The following MYOC variants were observed in gnomAD, a reference collection of about 807,000 sequenced individuals.
MYOC encodes the protein juvenile-onset open-angle glaucoma 1.
In MYOC, 29 loss-of-function variants were observed where a neutral mutation model predicts 28.2. The observed-to-expected ratio is 1.03, with a 90% CI of 0.77 to 1.40. The LOEUF (loss-of-function observed/expected upper bound fraction) is 1.40. Ranked by LOEUF, MYOC falls within the 40% of genes most tolerant of loss-of-function variation. The pLI, the probability that MYOC is intolerant of heterozygous loss-of-function variation, is 0.00. For missense variants in MYOC, 569 were observed against 620.6 expected, an observed-to-expected ratio of 0.92 and a Z score of 0.88; for synonymous variants, 240 against 245.6, an observed-to-expected ratio of 0.98 and a Z score of 0.21.
rs1652911815 is a variant in MYOC, at chr1:171,636,081, A to G, written c.1359T>C (p.Tyr453=). 2 of 1,614,230 alleles carry G rather than the reference A, an allele frequency of 1.2e-6. No individual in the cohort carries two copies. The highest frequency in any genetic ancestry group is 1.1e-5 in the South Asian group (1 of 91,078). The change falls in exon 3 of 3, where the codon TAT becomes TAC. Residue 453 remains tyrosine (Y), a synonymous_variant. Transcript: ENST00000037502. ...TCTTGCTGATACCTGTGCCTGTGTCATAAGCAAAGTTGACGGTAGCATCTG... is the reference window on the plus strand; with the variant it reads ...TCTTGCTGATACCTGTGCCTGTGTCGTAAGCAAAGTTGACGGTAGCATCTG... The part of the protein sequence containing the change: ...TSADATVNFA[Y]DTGTGISKTL...
intron 1 of MYOC, among the ~76,000 whole-genome samples, chr1:171,644,577 C>CTTTT (rs10545148): frequency 1.4e-5 from 2 of 140,232 alleles, no homozygotes; most frequent in Non-Finnish European, 3.1e-5. Flanking sequence ...TAAAAAACAG[C>CTTTT]TTTTTTTTTT....
At position 171,652,245 on chromosome 1, in the gene MYOC, T is replaced by C. The variant is rs1653372785; in HGVS notation, c.367A>G (p.Thr123Ala). The C allele has an allele frequency of 6.2e-7, 1 of 1,614,008 alleles. No individual in the cohort carries two copies. The highest frequency in any genetic ancestry group is 1.7e-5 in the Admixed American group (1 of 59,990). Reference sequence around the variant, plus strand: ...AGCTGGTCCCGCTCCCGCCTCAGGGTGCCCAGCTCCCTCTGCAGCCCCTCC... The same window carrying C: ...AGCTGGTCCCGCTCCCGCCTCAGGGCGCCCAGCTCCCTCTGCAGCCCCTCC... ...TQEGLQRELG[T>A]LRRERDQLET... Residue 123 changes from threonine to alanine, a missense_variant, in exon 1 of 3, where the codon ACC becomes GCC. Coordinates refer to ENST00000037502, the MANE Select transcript of MYOC (RefSeq NM_000261.2).
rs189705613 is a variant in MYOC at position 171,638,812 on chromosome 1, G to A, written c.605-90C>T. ...GAGGATGACATTTAAATAGGCTGCC[G>A]GCCAGGCGTGGTGGCTCATGCCTGT... On this transcript the variant is annotated intron_variant, in intron 1 of 2. Coordinates refer to ENST00000037502, the MANE Select transcript of MYOC (RefSeq NM_000261.2). 467 of 1,462,756 alleles carry A rather than the reference G, an allele frequency of 3.2e-4. 2 individuals carry two copies. The East Asian group carries it at 9.0e-3, about 28-fold the overall frequency. The allele number at this position is 1,462,756 out of a possible 1,614,324, so 90.6% of individuals were successfully genotyped here.
intron 1 of MYOC, among the ~76,000 whole-genome samples, chr1:171,648,019 A>G (rs1447272797): frequency 1.5e-5 from 2 of 137,648 alleles, no homozygotes; most frequent in African/African-American, 2.9e-5. Flanking sequence ...TCTGTACTGG[A>G]AAAAAAAAAA....
At chr1:171,642,914 C>CA (rs1253063002) in intron 1 of MYOC, among the ~76,000 whole-genome samples, 1 of 144,710 alleles carries the variant, frequency 6.9e-6, no homozygotes, top group East Asian at 2.1e-4. Context: ...AAGACACAAT[C>CA]AGTCCATGCC....
rs74315332 is a variant in MYOC, at chr1:171,636,000, G to T, written c.1440C>A (p.Asn480Lys). The T allele has an allele frequency of 1.2e-6, 2 of 1,614,192 alleles. No homozygotes were observed. Among genetic ancestry groups the T allele is most frequent in the Non-Finnish European group, 8.5e-7 (1 of 1,180,032 alleles). Residue 480 changes from asparagine (N) to lysine (K), a missense_variant, in exon 3 of 3, where the codon AAC (asparagine) becomes AAA (lysine). Coordinates refer to ENST00000037502, the MANE Select transcript of MYOC (RefSeq NM_000261.2). ...AGGCAAAGAGCTTCTTCTCCAGGGGGTTGTAGTCAATCATGCTGCTGTACT... is the reference window on the plus strand; with the variant it reads ...AGGCAAAGAGCTTCTTCTCCAGGGGTTTGTAGTCAATCATGCTGCTGTACT... ...RYKYSSMIDY[N>K]PLEKKLFAWD...
intron 1 of MYOC, among the ~76,000 whole-genome samples, chr1:171,650,678 T>C (rs1653332564): frequency 6.6e-6 from 1 of 152,160 alleles, no homozygotes; most frequent in South Asian, 2.1e-4. Flanking sequence ...TTTTAGGAAA[T>C]ATTTTCTCAT....
Position 171,652,085 on chromosome 1 carries a change from TC to T in MYOC, c.526del (p.Glu176ArgfsTer2), listed in dbSNP as rs779307074. The T allele has an allele frequency of 2.3e-5, 37 of 1,614,188 alleles. No individual in the cohort carries two copies. The highest frequency in any genetic ancestry group is 3.1e-5 in the Non-Finnish European group (36 of 1,180,028). The part of the protein sequence containing the change: ...LARRLESSSQ[E>X]VARLRRGQCP... ...CTGGCCCCTTCTCAGCCTTGCTACC[TC>T]CTGGCTGCTGCTTTCCAACCTCCTG... is the stretch of plus-strand genomic sequence containing the variant. On this transcript the variant is annotated frameshift_variant, in exon 1 of 3. Transcript: ENST00000037502. LOFTEE classifies it high-confidence loss of function.
chr1:171,637,680 T>C (rs10913370), intron 2 of MYOC, among the ~76,000 whole-genome samples: 7,785 of 151,592 alleles, frequency 0.051, 243 homozygotes, highest in East Asian at 0.14. Context: ...TGGTGTGATC[T>C]CGGCTCACTG....
At chr1:171,641,568 A>C (rs1334088920) in intron 1 of MYOC, among the ~76,000 whole-genome samples, 1 of 152,096 alleles carries the variant, frequency 6.6e-6, no homozygotes, top group Non-Finnish European at 1.5e-5. Flanking sequence ...TTGCATATGA[A>C]AGCTGTCCTC....
At chr1:171,649,932 G>C (rs1255668978) in intron 1 of MYOC, among the ~76,000 whole-genome samples, 1 of 152,128 alleles carries the variant, frequency 6.6e-6, no homozygotes, top group Non-Finnish European at 1.5e-5. Flanking sequence ...AAATCAGCCA[G>C]CGGTACCGGA....
chr1:171,646,986 A>C (rs1487469409), intron 1 of MYOC, among the ~76,000 whole-genome samples: 1 of 152,180 alleles, frequency 6.6e-6, no homozygotes, highest in African/African-American at 2.4e-5. Context: ...CATTGTAATA[A>C]TTTTCATAGA....
At chr1:171,646,250 A>G (rs186032920) in intron 1 of MYOC, among the ~76,000 whole-genome samples, 7 of 152,314 alleles carry the variant, frequency 4.6e-5, no homozygotes, top group Admixed American at 4.6e-4. Context: ...ACTTTGGGTA[A>G]ATGACTCCAC....
Position 171,636,358 on chromosome 1 carries a change from G to A in MYOC, c.1082C>T (p.Pro361Leu), listed in dbSNP as rs1198457923. Residue 361 changes from proline (P) to leucine (L), a missense_variant, in exon 3 of 3, where the codon CCT (proline) becomes CTT (leucine). By Grantham distance (98) the Pro-to-Leu change is moderately conservative. Coordinates refer to ENST00000037502, the MANE Select transcript of MYOC (RefSeq NM_000261.2). ...TETVKAEKEI[P>L]GAGYHGQFPY... is the part of the protein sequence containing the mutation. ...GAACTGTCCGTGGTAGCCAGCTCCA[G>A]GGATTTCCTTCTCAGCCTTCACTGT... 4 of 1,614,078 alleles carry A rather than the reference G, an allele frequency of 2.5e-6. No homozygotes were observed. Among genetic ancestry groups the A allele is most frequent in the Non-Finnish European group, 3.4e-6 (4 of 1,179,996 alleles).
At chr1:171,638,539 G>C (rs1255644856) in intron 2 of MYOC, 58 bp downstream of exon 2, 43 of 1,601,608 alleles carry the variant, frequency 2.7e-5, no homozygotes, top group Non-Finnish European at 3.3e-5. Flanking sequence ...TCTGAACACA[G>C]CACTAGACAT....
At chr1:171,640,958 T>C (rs1236559514) in intron 1 of MYOC, among the ~76,000 whole-genome samples, 14 of 152,122 alleles carry the variant, frequency 9.2e-5, no homozygotes, top group Admixed American at 9.2e-4. Flanking sequence ...ATACTGTGTA[T>C]GATACTATAA....
intron 1 of MYOC, among the ~76,000 whole-genome samples, chr1:171,647,824 C>T (rs775351849): frequency 6.6e-6 from 1 of 152,294 alleles, no homozygotes; most frequent in Non-Finnish European, 1.5e-5. Context: ...TTGCAGTTAT[C>T]ACCTGCGGGG....
chr1:171,636,322 C>A lies in MYOC; in HGVS notation c.1118G>T (p.Trp373Leu). The A allele has an allele frequency of 1.2e-6, 2 of 1,614,052 alleles. No individual in the cohort carries two copies. The highest frequency in any genetic ancestry group is 1.7e-6 in the Non-Finnish European group (2 of 1,180,006). ...AGYHGQFPYSWGGYTDIDLAV... is the reference protein window; with the variant it reads ...AGYHGQFPYSLGGYTDIDLAV... ...CAAGTCAATGTCCGTGTAGCCACCC[C>A]AAGAATACGGGAACTGTCCGTGGTA... is the stretch of plus-strand genomic sequence containing the variant. The change falls in exon 3 of 3, where the codon TGG becomes TTG. Residue 373 changes from tryptophan to leucine, a missense_variant. Transcript: ENST00000037502.
Position 171,638,675 on chromosome 1 carries a change from C to G in MYOC, c.652G>C (p.Glu218Gln). 1 of 1,614,130 alleles carries G rather than the reference C, an allele frequency of 6.2e-7. No individual in the cohort carries two copies. The highest frequency in any genetic ancestry group is 8.5e-7 in the Non-Finnish European group (1 of 1,179,986). Residue 218 changes from glutamate to glutamine, a missense_variant, in exon 2 of 3, where the codon GAG becomes CAG. Transcript: ENST00000037502. ...CGGGAAGCAGGAACTTCAGTTAGCT[C>G]GGACTTCAGTTCCTGGAAGGCCAAA... ...DTLAFQELKS[E>Q]LTEVPASRIL...
Sources: gnomAD v4.1 joint callset for allele counts (sites outside exome capture counted in the v4.1 genomes callset) on GRCh38, gnomAD v4.1.1 for gene constraint, MANE v1.5 for transcripts, NCBI Gene and HGNC (gene_info 2026-07-23, HGNC 2026-07-21) for gene names.